The following TOR1AIP1 variants were observed in gnomAD, a reference collection of about 807,000 sequenced individuals.
The protein encoded by TOR1AIP1 is torsin 1A interacting protein 1.
A neutral mutation model predicts 63.3 loss-of-function variants in TOR1AIP1; 54 were observed. That is an observed-to-expected ratio of 0.85 (90% CI 0.69 to 1.07). TOR1AIP1 has a LOEUF of 1.07. Ranked by LOEUF, TOR1AIP1 falls within the 50% of genes least tolerant of loss-of-function variation. The pLI is 0.00. For synonymous variants in TOR1AIP1, 294 were observed against 273.5 expected (o/e 1.07, Z -0.74); for missense variants, 736 against 715.0 (o/e 1.03, Z -0.33).
At chr1:179,891,758 G>A (rs1181482524) in intron 3 of TOR1AIP1, among the ~76,000 whole-genome samples, 2 of 151,874 alleles carry the variant, frequency 1.3e-5, no homozygotes, top group African/African-American at 4.8e-5. Context: ...TAGAGATGGG[G>A]TTTCACCATG....
chr1:179,887,288 A>C (rs915413597), intron 2 of TOR1AIP1, among the ~76,000 whole-genome samples: 7 of 152,012 alleles, frequency 4.6e-5, no homozygotes, highest in African/African-American at 1.4e-4. Flanking sequence ...AATCCCAGCT[A>C]CTCGGGAGGC....
At chr1:179,900,188 A>C in intron 4 of TOR1AIP1, 21 bp downstream of exon 4, 1 of 1,493,776 alleles carries the variant, frequency 6.7e-7, no homozygotes. Context: ...TGTAAATATC[A>C]TATAATATAT....
At chr1:179,911,074 T>C (rs1175528240) in intron 8 of TOR1AIP1, among the ~76,000 whole-genome samples, 1 of 152,186 alleles carries the variant, frequency 6.6e-6, no homozygotes, top group Non-Finnish European at 1.5e-5. Context: ...ACCTACCATA[T>C]ATAGATAACC....
rs1571732280 is a variant in TOR1AIP1 at position 179,904,007 on chromosome 1, T to C, written c.781T>C (p.Trp261Arg). ...RSSSQYIESFWQSSQSQNFTA... is the reference protein window; with the variant it reads ...RSSSQYIESFRQSSQSQNFTA... ...ATCTAGTCAATATATAGAATCATTTTGGCAGTCATCACAAAGTAAGTAAAG... is the reference window on the plus strand; with the variant it reads ...ATCTAGTCAATATATAGAATCATTTCGGCAGTCATCACAAAGTAAGTAAAG... Residue 261 changes from tryptophan (W) to arginine (R), a missense_variant, in exon 6 of 10, where the codon TGG becomes CGG. By Grantham distance (101) the Trp-to-Arg change is moderately radical. This residue lies in a region of TOR1AIP1 where 464 missense variants were observed against 371.0 expected (regional missense o/e 1.25). Transcript: ENST00000606911. The C allele has an allele frequency of 6.2e-7, 1 of 1,608,368 alleles. No homozygotes were observed. The highest frequency in any genetic ancestry group is 8.5e-7 in the Non-Finnish European group (1 of 1,176,306).
At chr1:179,892,969 G>C (rs1412764469) in intron 3 of TOR1AIP1, among the ~76,000 whole-genome samples, 1 of 152,064 alleles carries the variant, frequency 6.6e-6, no homozygotes, top group Non-Finnish European at 1.5e-5. Flanking sequence ...GGCTGGGTGC[G>C]GTGGCCCATG....
intron 3 of TOR1AIP1, among the ~76,000 whole-genome samples, chr1:179,898,251 A>G (rs1648344309): frequency 6.6e-6 from 1 of 152,204 alleles, no homozygotes; most frequent in Non-Finnish European, 1.5e-5. Flanking sequence ...TAGACAAGTC[A>G]CTTGATATCT....
chr1:179,900,033 A>T, intron 3 of TOR1AIP1, 93 bp from the exon 4 acceptor site: 1 of 909,710 alleles, frequency 1.1e-6, no homozygotes. Flanking sequence ...TTTATTCCTA[A>T]GCTTTAACTT....
chr1:179,898,247 A>G (rs1289701693), intron 3 of TOR1AIP1, among the ~76,000 whole-genome samples: 1 of 152,190 alleles, frequency 6.6e-6, no homozygotes, highest in Non-Finnish European at 1.5e-5. Context: ...CCCTTAGACA[A>G]GTCACTTGAT....
chr1:179,917,480 T>C lies in TOR1AIP1; in HGVS notation c.993T>C (p.Ser331=). 6.2e-7 allele frequency: 1 copy of C among 1,613,050 alleles called. No homozygotes were observed. The highest frequency in any genetic ancestry group is 8.5e-7 in the Non-Finnish European group (1 of 1,179,912). ...RQVTGQPQNA[S]FVKRNRWWLL... is the part of the protein sequence containing the mutation. ...TGACTGGACAACCCCAAAATGCATC[T>C]TTTGTCAAGAGGAACCGGTGGTGGC... Residue 331 remains serine (S), a synonymous_variant, in exon 10 of 10, where the codon TCT becomes TCC. Transcript: ENST00000606911.
At chr1:179,883,669 G>A (rs1470098105) in intron 1 of TOR1AIP1, 2 of 456,300 alleles carry the variant, frequency 4.4e-6, no homozygotes, top group Admixed American at 4.7e-5. Context: ...GTAACCTCAA[G>A]TAGTCTGGCA....
Position 179,918,182 on chromosome 1 carries a change from TCA to T in TOR1AIP1, c.1697_1698del (p.His566LeufsTer8), listed in dbSNP as rs1649086835. The T allele has an allele frequency of 6.2e-7, 1 of 1,611,280 alleles. No homozygotes were observed. Among genetic ancestry groups the T allele is most frequent in the Non-Finnish European group, 8.5e-7 (1 of 1,179,998 alleles). On this transcript the variant is annotated frameshift_variant, in exon 10 of 10. Transcript: ENST00000606911. LOFTEE classifies it high-confidence loss of function. ...TGAATGGCCTCTGGAGCCGTATTTC[TCA>T]CTTAGTTCTGCCTGTGCAACCTGAA... is the stretch of plus-strand genomic sequence containing the variant. ...KLNGLWSRIS[H>X]LVLPVQPENA...
At chr1:179,894,213 C>T (rs577482442) in intron 3 of TOR1AIP1, among the ~76,000 whole-genome samples, 176 of 148,964 alleles carry the variant, frequency 1.2e-3, no homozygotes, top group African/African-American at 4.1e-3. Context: ...ATCCCGCCAC[C>T]GCACTCCAGC....
Position 179,901,185 on chromosome 1 carries a change from A to G in TOR1AIP1, c.653-117A>G. On this transcript the variant is annotated intron_variant, in intron 4 of 9. Transcript: ENST00000606911. ...AGCATGATAAACAAACAGTAGTTCT[A>G]TATCTGATAACTTAAAAGGCTTCTT... 4 of 558,116 alleles carry G rather than the reference A, an allele frequency of 7.2e-6. No homozygotes were observed. In the South Asian group the frequency reaches 1.3e-4, roughly 18 times the overall value. 34.6% of individuals were successfully genotyped at this position (558,116 alleles called of 1,614,324 possible). A position where few individuals can be genotyped will look rare whatever the true frequency, so the allele number is the denominator to read the frequency against.
intron 9 of TOR1AIP1, among the ~76,000 whole-genome samples, chr1:179,916,915 C>T (rs547308366): frequency 6.1e-4 from 92 of 151,902 alleles, no homozygotes; most frequent in African/African-American, 2.1e-3. Flanking sequence ...TCTCGATCTC[C>T]TGACCTCGTG....
At chr1:179,898,341 A>G (rs1353849606) in intron 3 of TOR1AIP1, among the ~76,000 whole-genome samples, 1 of 152,176 alleles carries the variant, frequency 6.6e-6, no homozygotes, top group Non-Finnish European at 1.5e-5. Flanking sequence ...TTGAAAATCA[A>G]ATAGCATCAT....
intron 1 of TOR1AIP1, chr1:179,883,796 C>G (rs1647821897): frequency 4.9e-6 from 2 of 410,418 alleles, no homozygotes; most frequent in Non-Finnish European, 9.9e-6. Context: ...ATAGGTGAAT[C>G]AGTTTCCTTA....
rs200833560 is a variant in TOR1AIP1, at chr1:179,883,485, AG to A, written c.475+511del. The A allele has an allele frequency of 1.1e-5, 4 of 377,688 alleles. No homozygotes were observed. In the East Asian group the frequency reaches 3.0e-4, roughly 28 times the overall value. The allele number at this position is 377,688 out of a possible 1,614,324, so 23.4% of individuals were successfully genotyped here. Reference sequence around the variant, plus strand: ...AGAAATTTTGTGAGTGGGCATTTCGAGGGATTGCTGAGTTTAGTGAATTGAT... The same window carrying A: ...AGAAATTTTGTGAGTGGGCATTTCGAGGATTGCTGAGTTTAGTGAATTGAT... On this transcript the variant is annotated intron_variant, in intron 1 of 9. Transcript: ENST00000606911.
chr1:179,902,314 C>T (rs1298183352), intron 5 of TOR1AIP1, among the ~76,000 whole-genome samples: 1 of 152,048 alleles, frequency 6.6e-6, no homozygotes, highest in South Asian at 2.1e-4. Context: ...GCCTGAGCCA[C>T]GACGCCTGAC....
At chr1:179,916,740 G>C (rs1359668497) in intron 9 of TOR1AIP1, among the ~76,000 whole-genome samples, 1 of 109,178 alleles carries the variant, frequency 9.2e-6, no homozygotes, top group South Asian at 3.0e-4. Flanking sequence ...ATCTCTCTCT[G>C]TCACCCAGGC....
Sources: gnomAD v4.1 joint callset for allele counts (sites outside exome capture counted in the v4.1 genomes callset) on GRCh38, gnomAD v4.1.1 for gene constraint, gnomAD v4.1.1 regional missense constraint, MANE v1.5 for transcripts, NCBI Gene and HGNC (gene_info 2026-07-23, HGNC 2026-07-21) for gene names.